The following ENTPD1 variants were observed in gnomAD, a reference collection of about 807,000 sequenced individuals.
The protein encoded by ENTPD1 is ATP diphosphohydrolase.
A neutral mutation model predicts 57.0 loss-of-function variants in ENTPD1; 33 were observed. That is an observed-to-expected ratio of 0.58 (90% CI 0.44 to 0.77). ENTPD1 has a LOEUF of 0.77. Among genes scored for constraint, ENTPD1 ranks in the 30% least tolerant of loss-of-function variants. The probability of loss-of-function intolerance (pLI) is 0.00; values close to 1 mark genes in which losing one functional copy is unlikely to be tolerated. For missense variants in ENTPD1, 501 were observed against 603.4 expected, an observed-to-expected ratio of 0.83 and a Z score of 1.78; for synonymous variants, 202 against 218.8, an observed-to-expected ratio of 0.92 and a Z score of 0.68.
At chr10:95,797,434 G>A (rs2098231128) in intron 1 of ENTPD1, among the ~76,000 whole-genome samples, 1 of 152,160 alleles carries the variant, frequency 6.6e-6, no homozygotes, top group Non-Finnish European at 1.5e-5. Context: ...TCCTCATAGA[G>A]ACTAGGGCAT....
intron 1 of ENTPD1, among the ~76,000 whole-genome samples, chr10:95,815,040 G>C (rs2098325315): frequency 1.3e-5 from 2 of 152,078 alleles, no homozygotes; most frequent in South Asian, 4.1e-4. Flanking sequence ...TGATGTTTGT[G>C]CTGACTTCTT....
chr10:95,742,747 A>G (rs1177295189), intron 1 of ENTPD1, among the ~76,000 whole-genome samples: 4 of 152,150 alleles, frequency 2.6e-5, no homozygotes, highest in Non-Finnish European at 4.4e-5. Flanking sequence ...TTGCAAAATC[A>G]TGTCGTCATT....
intron 1 of ENTPD1, among the ~76,000 whole-genome samples, chr10:95,748,541 T>G (rs2098008497): frequency 6.6e-6 from 1 of 152,264 alleles, no homozygotes; most frequent in South Asian, 2.1e-4. Context: ...TTTTTGAAAC[T>G]AATCTCAGAT....
intron 1 of ENTPD1, 175 bp downstream of exon 1, chr10:95,756,430 G>A (rs2098024658): frequency 1.4e-6 from 1 of 724,230 alleles, no homozygotes. Context: ...AAACTTTTTA[G>A]GAAGCAGAGT....
chr10:95,711,567 T>TC (rs1216550761), upstream of ENTPD1, among the ~76,000 whole-genome samples: 1 of 152,200 alleles, frequency 6.6e-6, no homozygotes, highest in Non-Finnish European at 1.5e-5. Context: ...GGTGGCACAA[T>TC]CACAGCTCAT....
the ENTPD1 span, among the ~76,000 whole-genome samples, chr10:95,706,287 G>A: frequency 6.6e-6 from 1 of 152,222 alleles, no homozygotes; most frequent in Non-Finnish European, 1.5e-5. Flanking sequence ...TCTGTGGCCA[G>A]TAGCGCCTTT....
At chr10:95,860,144 T>C (rs538941001) in intron 7 of ENTPD1, among the ~76,000 whole-genome samples, 1 of 152,362 alleles carries the variant, frequency 6.6e-6, no homozygotes, top group South Asian at 2.1e-4. Context: ...AACATTCATA[T>C]GTAGTACATA....
chr10:95,755,998 A>C, upstream of ENTPD1: 11 of 1,465,072 alleles, frequency 7.5e-6, no homozygotes, highest in Non-Finnish European at 9.0e-6. Flanking sequence ...AAAGGCTTCG[A>C]GTAACTTTAG....
chr10:95,805,207 C>T (rs181194715), intron 1 of ENTPD1, among the ~76,000 whole-genome samples: 40 of 152,244 alleles, frequency 2.6e-4, no homozygotes, highest in African/African-American at 9.4e-4. Context: ...GGATAGTTAG[C>T]TCTTCTTGTT....
rs78679271 is a variant in ENTPD1 at position 95,875,964 on chromosome 10, T to G, written c.*9581T>G. The G allele has an allele frequency of 0.065, 63,636 of 984,820 alleles. 2,226 individuals carry two copies. The highest frequency in any genetic ancestry group is 0.12 in the East Asian group (1,075 of 8,812). The allele number at this position is 984,820 out of a possible 1,614,324, so 61.0% of individuals were successfully genotyped here. On this transcript the variant is annotated 3_prime_UTR_variant, in exon 10 of 10. Coordinates refer to ENST00000371205, the MANE Select transcript of ENTPD1 (RefSeq NM_001776.6). ...TGGGTGGGGACACAGCCAAACCATA[T>G]CAATGATTTTGTACTTTAACCAGCT...
intron 2 of ENTPD1, among the ~76,000 whole-genome samples, chr10:95,837,230 A>C (rs2098412082): frequency 6.6e-6 from 1 of 152,218 alleles, no homozygotes; most frequent in African/African-American, 2.4e-5. Flanking sequence ...GATCCCAGAT[A>C]AATGCTGCTT....
At chr10:95,830,991 G>A (rs2098394904) in intron 2 of ENTPD1, among the ~76,000 whole-genome samples, 1 of 152,180 alleles carries the variant, frequency 6.6e-6, no homozygotes, top group Non-Finnish European at 1.5e-5. Flanking sequence ...GCATGCTCCT[G>A]CCATGGTCTA....
intron 2 of ENTPD1, among the ~76,000 whole-genome samples, chr10:95,828,223 C>T (rs1456823570): frequency 6.6e-6 from 1 of 152,086 alleles, no homozygotes; most frequent in Non-Finnish European, 1.5e-5. Context: ...CTTATAGGAC[C>T]GCGAACCCTA....
upstream of ENTPD1, chr10:95,756,092 G>A: frequency 1.3e-6 from 2 of 1,520,452 alleles, no homozygotes; most frequent in Non-Finnish European, 1.8e-6. Context: ...TCCGAAACGG[G>A]GCCGGCTAAT....
At chr10:95,764,777 T>G (rs1293888552) in intron 1 of ENTPD1, among the ~76,000 whole-genome samples, 1 of 142,378 alleles carries the variant, frequency 7.0e-6, no homozygotes, top group Non-Finnish European at 1.5e-5. Flanking sequence ...GGCTGGAGTG[T>G]GATGGCGTGA....
At position 95,871,021 on chromosome 10, in the gene ENTPD1, G is replaced by A. The variant is rs2098479843; in HGVS notation, c.*4638G>A. ...CATGATGAACCCCGCAGAGGCTCGT[G>A]AAAGTGAGAGGAAACTAGGATGCCT... On this transcript the variant is annotated 3_prime_UTR_variant, in exon 10 of 10. Transcript: ENST00000371205. The A allele has an allele frequency of 1.0e-6, 1 of 985,444 alleles. No individual in the cohort carries two copies. Among genetic ancestry groups the A allele is most frequent in the Non-Finnish European group, 1.2e-6 (1 of 829,936 alleles). The allele number at this position is 985,444 out of a possible 1,614,324, so 61.0% of individuals were successfully genotyped here. A position where few individuals can be genotyped will look rare whatever the true frequency, so the allele number is the denominator to read the frequency against.
intron 2 of ENTPD1, among the ~76,000 whole-genome samples, chr10:95,832,496 C>T (rs548133365): frequency 5.0e-4 from 76 of 152,242 alleles, no homozygotes; most frequent in African/African-American, 1.8e-3. Context: ...GTAGCTTTGA[C>T]GTCTGCTTGG....
intron 7 of ENTPD1, among the ~76,000 whole-genome samples, chr10:95,849,062 A>G (rs1249915119): frequency 6.6e-6 from 1 of 152,238 alleles, no homozygotes; most frequent in Non-Finnish European, 1.5e-5. Context: ...GGAAATCCCA[A>G]AGAAACATTG....
intron 9 of ENTPD1, 23 bp from the exon 10 acceptor site, chr10:95,866,154 C>A (rs778101959): frequency 6.2e-7 from 1 of 1,607,394 alleles, no homozygotes; most frequent in Admixed American, 1.7e-5. Flanking sequence ...CAACCACAAA[C>A]AGACTTTCCC....
Sources: allele counts gnomAD v4.1 joint callset (sites outside exome capture counted in the v4.1 genomes callset), GRCh38; gene constraint gnomAD v4.1.1; transcripts MANE v1.5; gene names NCBI Gene and HGNC (gene_info 2026-07-23, HGNC 2026-07-21).